The following TNNI1 variants were observed in gnomAD, a reference collection of about 807,000 sequenced individuals.
TNNI1 encodes troponin I, slow skeletal muscle.
Under a neutral mutation model 26.7 loss-of-function variants are expected in TNNI1, and 14 were observed. The observed-to-expected ratio is 0.52, with a 90% CI of 0.35 to 0.82. The LOEUF (loss-of-function observed/expected upper bound fraction) is 0.82. Among genes scored for constraint, TNNI1 ranks in the 40% least tolerant of loss-of-function variants. The pLI, the probability that TNNI1 is intolerant of heterozygous loss-of-function variation, is 0.01. For missense variants in TNNI1, 164 were observed against 257.0 expected (o/e 0.64, Z 2.47); for synonymous variants, 79 against 98.2 (o/e 0.80, Z 1.16).
At position 201,414,574 on chromosome 1, in the gene TNNI1, G is replaced by C; in HGVS notation, c.133C>G (p.Leu45Val). The change falls in exon 5 of 9, where the codon CTG (leucine) becomes GTG (valine). Residue 45 changes from leucine (L) to valine (V), a missense_variant. Leu to Val is a conservative substitution (Grantham distance 32). Around this residue, in one of 3 missense-constraint regions of TNNI1, gnomAD observed 117 missense variants for 158.7 expected, o/e 0.74. Coordinates refer to ENST00000361379, the MANE Select transcript of TNNI1 (RefSeq NM_003281.4). ...EEREAEKVRY[L>V]AERIPTLQTR... ...TGCAGCGTGGGGATGCGCTCTGCCA[G>C]GTAGCGCACCTTCTCAGCCTCGCGC... is the stretch of plus-strand genomic sequence containing the variant. The C allele has an allele frequency of 1.2e-6, 2 of 1,613,688 alleles. No individual in the cohort carries two copies. Among genetic ancestry groups the C allele is most frequent in the Non-Finnish European group, 1.7e-6 (2 of 1,179,964 alleles).
chr1:201,421,503 G>A (rs571924997), intron 1 of TNNI1, among the ~76,000 whole-genome samples, 170 bp downstream of exon 1: 1 of 152,300 alleles, frequency 6.6e-6, no homozygotes, highest in Non-Finnish European at 1.5e-5. Flanking sequence ...GCCATTCTGT[G>A]GGACAAAATG....
rs139942952 is a variant in TNNI1, at chr1:201,418,383, G to A, written c.-19-571C>T. ...CTCAGGAGGCTGAGGCAGAAGAATTGCTTGAACCCAGGAGGCGGAGGTTAC... is the reference window on the plus strand; with the variant it reads ...CTCAGGAGGCTGAGGCAGAAGAATTACTTGAACCCAGGAGGCGGAGGTTAC... On this transcript the variant is annotated intron_variant, in intron 1 of 8. Coordinates refer to ENST00000361379, the MANE Select transcript of TNNI1 (RefSeq NM_003281.4). Among the ~76,000 whole-genome samples, 152 of 151,146 alleles carry A rather than the reference G, an allele frequency of 1.0e-3. 3 individuals are homozygous for A. In the East Asian group the frequency reaches 0.025, roughly 25 times the overall value.
chr1:201,420,608 T>C (rs1469621901), intron 1 of TNNI1, among the ~76,000 whole-genome samples: 1 of 152,074 alleles, frequency 6.6e-6, no homozygotes, highest in Non-Finnish European at 1.5e-5. Flanking sequence ...AGCGTGTATA[T>C]GTAGGGGAAA....
At position 201,411,002 on chromosome 1, in the gene TNNI1, A is replaced by G. The variant is rs1662623494; in HGVS notation, c.456+355T>C. ...CTATGCTCGTGTGTGGCTATAACCA[A>G]GATGAGCTGCTGTCTCCTTTCCCTG... is the stretch of plus-strand genomic sequence containing the variant. On this transcript the variant is annotated intron_variant, in intron 7 of 8. Coordinates refer to ENST00000361379, the MANE Select transcript of TNNI1 (RefSeq NM_003281.4). The surrounding 1 kb of genome is among the most constrained non-coding windows in gnomAD (Gnocchi z 4.6). Among the ~76,000 whole-genome samples, 1 of 152,220 alleles carries G rather than the reference A, an allele frequency of 6.6e-6. No homozygotes were observed. Among genetic ancestry groups the G allele is most frequent in the South Asian group, 2.1e-4 (1 of 4,834 alleles).
chr1:201,405,847 C>T lies in TNNI1; in HGVS notation c.*3406G>A, dbSNP rs1352722791. ...CATTCCTACCAAGCAGAGAGGAGCA[C>T]CAGGCCCATCTCCACCAGCTGCAGA... On this transcript the variant is annotated 3_prime_UTR_variant, in exon 9 of 9. Transcript: ENST00000361379. 2.0e-5 allele frequency: 3 copies of T among 152,384 alleles called. No individual in the cohort carries two copies. Among genetic ancestry groups the T allele is most frequent in the Non-Finnish European group, 4.4e-5 (3 of 68,212 alleles). 9.4% of individuals were successfully genotyped at this position (152,384 alleles called of 1,614,324 possible).
intron 2 of TNNI1, 130 bp from the exon 3 acceptor site, chr1:201,417,249 G>A (rs1662758577): frequency 6.4e-6 from 8 of 1,240,720 alleles, no homozygotes; most frequent in South Asian, 1.2e-5. Flanking sequence ...AGTGACAACA[G>A]TGAGCCAGAA....
At position 201,417,242 on chromosome 1, in the gene TNNI1, G is replaced by A. The variant is rs143990232; in HGVS notation, c.12-123C>T. 40 of 1,287,780 alleles carry A rather than the reference G, an allele frequency of 3.1e-5. No individual in the cohort carries two copies. The African/African-American group carries it at 5.7e-4, about 18-fold the overall frequency. 79.8% of individuals were successfully genotyped at this position (1,287,780 alleles called of 1,614,324 possible). A position where few individuals can be genotyped will look rare whatever the true frequency, so the allele number is the denominator to read the frequency against. ...CAGCTTGGGGGAGGAGGGGGCCAGT[G>A]ACAACAGTGAGCCAGAAAGTCATCA... On this transcript the variant is annotated intron_variant, in intron 2 of 8. Coordinates refer to ENST00000361379, the MANE Select transcript of TNNI1 (RefSeq NM_003281.4).
intron 4 of TNNI1, 151 bp from the exon 5 acceptor site, chr1:201,414,800 G>A: frequency 2.4e-6 from 3 of 1,264,042 alleles, no homozygotes; most frequent in Middle Eastern, 5.0e-4. Context: ...CACCATGAGG[G>A]TACACCCAGT....
At chr1:201,420,705 C>T (rs1019939456) in intron 1 of TNNI1, among the ~76,000 whole-genome samples, 1 of 152,086 alleles carries the variant, frequency 6.6e-6, no homozygotes, top group Non-Finnish European at 1.5e-5. Flanking sequence ...GCCCCCTGAC[C>T]TTGGACCCCC....
At position 201,415,004 on chromosome 1, in the gene TNNI1, G is replaced by A. The variant is rs138452742; in HGVS notation, c.57+209C>T. On this transcript the variant is annotated intron_variant, in intron 4 of 8. Coordinates refer to ENST00000361379, the MANE Select transcript of TNNI1 (RefSeq NM_003281.4). ...ACCACCTACTCTAGGGACCACAGGC[G>A]GATGCCAGAATCCATACTCGAGGAT... Among the ~76,000 whole-genome samples the A allele has an allele frequency of 8.2e-4, 125 of 152,340 alleles. 2 individuals are homozygous for A. The East Asian group carries it at 0.021, about 26-fold the overall frequency.
intron 5 of TNNI1, 34 bp downstream of exon 5, chr1:201,414,484 C>T (rs746557060): frequency 6.6e-7 from 1 of 1,516,264 alleles, no homozygotes; most frequent in Non-Finnish European, 8.9e-7. Flanking sequence ...GCACCTCCAG[C>T]CCCACCCTGC....
Position 201,411,236 on chromosome 1 carries a change from G to A in TNNI1, c.456+121C>T. On this transcript the variant is annotated intron_variant, in intron 7 of 8. Coordinates refer to ENST00000361379, the MANE Select transcript of TNNI1 (RefSeq NM_003281.4). This position sits in a 1 kb window ranked among gnomAD's most constrained non-coding sequence, Gnocchi z 4.6. The stretch of plus-strand genomic sequence containing the variant: ...CTCCCAAAGCATTCTAGAATGTTCT[G>A]TCTGTCAAGCTGACTGGTCTCCAAC... The A allele has an allele frequency of 1.0e-6, 1 of 1,004,406 alleles. No homozygotes were observed. Among genetic ancestry groups the A allele is most frequent in the South Asian group, 1.5e-5 (1 of 65,914 alleles). The allele number at this position is 1,004,406 out of a possible 1,614,324, so 62.2% of individuals were successfully genotyped here.
Position 201,410,440 on chromosome 1 carries a change from A to G in TNNI1, c.457-5T>C. On this transcript the variant is annotated splice_polypyrimidine_tract_variant and splice_region_variant and intron_variant, in intron 7 of 8. Transcript: ENST00000361379. ...ACCCACCTCCACAGGCCGCTCCTGT[A>G]GACAAGTGGCACACACATCAGGGAC... 1.2e-6 allele frequency: 2 copies of G among 1,613,304 alleles called. No individual in the cohort carries two copies. The highest frequency in any genetic ancestry group is 1.7e-6 in the Non-Finnish European group (2 of 1,179,232).
At chr1:201,414,144 A>G (rs1174969348) in intron 5 of TNNI1, among the ~76,000 whole-genome samples, 1 of 152,228 alleles carries the variant, frequency 6.6e-6, no homozygotes, top group African/African-American at 2.4e-5. Flanking sequence ...TAACCAATTT[A>G]CCAGTGTTCT....
At chr1:201,419,491 G>A (rs1453606534) in intron 1 of TNNI1, among the ~76,000 whole-genome samples, 1 of 152,240 alleles carries the variant, frequency 6.6e-6, no homozygotes, top group East Asian at 1.9e-4. Context: ...CCTAGTGTGT[G>A]TGGAGTGGGC....
intron 7 of TNNI1, 47 bp from the exon 8 acceptor site, chr1:201,410,482 C>T (rs757888355): frequency 6.5e-7 from 1 of 1,532,144 alleles, no homozygotes; most frequent in Non-Finnish European, 9.0e-7. Context: ...GGCTGGACGG[C>T]CCCCCAGCTC....
intron 1 of TNNI1, among the ~76,000 whole-genome samples, chr1:201,419,078 T>C (rs548904452): frequency 6.6e-6 from 1 of 152,224 alleles, no homozygotes; most frequent in South Asian, 2.1e-4. Flanking sequence ...GACACATGTT[T>C]ACCTGTGTAA....
chr1:201,411,589 C>T lies in TNNI1; in HGVS notation c.280-56G>A. The T allele has an allele frequency of 1.0e-5, 15 of 1,469,086 alleles. No individual in the cohort carries two copies. The highest frequency in any genetic ancestry group is 2.6e-5 in the East Asian group (1 of 38,200). 91.0% of individuals were successfully genotyped at this position (1,469,086 alleles called of 1,614,324 possible). A position where few individuals can be genotyped will look rare whatever the true frequency, so the allele number is the denominator to read the frequency against. On this transcript the variant is annotated intron_variant, in intron 6 of 8. Coordinates refer to ENST00000361379, the MANE Select transcript of TNNI1 (RefSeq NM_003281.4). This position sits in a 1 kb window ranked among gnomAD's most constrained non-coding sequence, Gnocchi z 4.6. ...GAGAGGCAGCTAGCCACAGGACACC[C>T]TTCCTGAGGACCTCAGACTGCTAGG... is the stretch of plus-strand genomic sequence containing the variant.
chr1:201,413,605 C>A (rs967130456), intron 5 of TNNI1, among the ~76,000 whole-genome samples: 1 of 152,030 alleles, frequency 6.6e-6, no homozygotes, highest in African/African-American at 2.4e-5. Flanking sequence ...ATTAGCCAGG[C>A]ATGGTGGTGT....
Sources: gnomAD v4.1 joint callset for allele counts (sites outside exome capture counted in the v4.1 genomes callset) on GRCh38, gnomAD v4.1.1 for gene constraint, gnomAD v4.1.1 regional missense constraint, Gnocchi (gnomAD v3.1) non-coding constraint, MANE v1.5 for transcripts, NCBI Gene and HGNC (gene_info 2026-07-23, HGNC 2026-07-21) for gene names.